PLPPR1: variants seen among roughly 807,000 people sequenced by gnomAD.
PLPPR1 encodes the protein phospholipid phosphatase related 1.
In PLPPR1, 10 loss-of-function variants were observed where a neutral mutation model predicts 33.1. That is an observed-to-expected ratio of 0.30 (90% confidence interval 0.19 to 0.51). PLPPR1 has a LOEUF of 0.51. Among genes scored for constraint, PLPPR1 ranks in the 20% least tolerant of loss-of-function variants. The pLI is 0.97. For missense variants in PLPPR1, 304 were observed against 408.1 expected (o/e 0.74, Z 2.20); for synonymous variants, 151 against 151.0 (o/e 1.00, Z 0.00).
At chr9:101,161,723 A>G (rs930932120) in intron 1 of PLPPR1, among the ~76,000 whole-genome samples, 4 of 151,984 alleles carry the variant, frequency 2.6e-5, no homozygotes, top group East Asian at 3.9e-4. Flanking sequence ...ATTTTCCCAT[A>G]CCATAGGACC....
chr9:101,171,101 A>C (rs528878300), intron 1 of PLPPR1, among the ~76,000 whole-genome samples: 49 of 152,144 alleles, frequency 3.2e-4, no homozygotes, highest in Non-Finnish European at 6.2e-4. Flanking sequence ...CACAGAACTT[A>C]ATTGTGAACC....
chr9:101,130,430 G>T (rs1831300786), intron 1 of PLPPR1, among the ~76,000 whole-genome samples: 1 of 152,146 alleles, frequency 6.6e-6, no homozygotes, highest in Non-Finnish European at 1.5e-5. Flanking sequence ...TCCATAAAAT[G>T]GAGCTAATTA....
intron 2 of PLPPR1, among the ~76,000 whole-genome samples, chr9:101,201,397 C>T (rs988665113): frequency 6.6e-6 from 1 of 152,126 alleles, no homozygotes; most frequent in Admixed American, 6.6e-5. Context: ...TCTTTGGCAT[C>T]TCCTAAGATG....
chr9:101,277,856 A>C (rs1828227031), intron 3 of PLPPR1, among the ~76,000 whole-genome samples: 1 of 152,202 alleles, frequency 6.6e-6, no homozygotes. Flanking sequence ...TAGGACATAT[A>C]TATATGCTTT....
chr9:101,031,144 T>C (rs914361051), intron 1 of PLPPR1, among the ~76,000 whole-genome samples: 1 of 152,214 alleles, frequency 6.6e-6, no homozygotes, highest in Non-Finnish European at 1.5e-5. Context: ...ATTGTCAGCA[T>C]ATGTCCTTTT....
chr9:101,142,719 T>C (rs930452313), intron 1 of PLPPR1, among the ~76,000 whole-genome samples: 20 of 152,192 alleles, frequency 1.3e-4, no homozygotes, highest in African/African-American at 4.6e-4. Flanking sequence ...CTGTTGTTTC[T>C]TTAATTCCTT....
chr9:101,224,198 T>A (rs1827012220), intron 2 of PLPPR1, among the ~76,000 whole-genome samples: 2 of 152,170 alleles, frequency 1.3e-5, no homozygotes, highest in Non-Finnish European at 2.9e-5. Context: ...TCTGCAAAAA[T>A]GGACATTCTC....
chr9:101,164,172 T>G (rs753635695), intron 1 of PLPPR1, among the ~76,000 whole-genome samples: 13 of 152,114 alleles, frequency 8.5e-5, no homozygotes, highest in Non-Finnish European at 1.8e-4. Flanking sequence ...GTGTTCAAAC[T>G]TGGGGCCAGA....
Position 101,181,660 on chromosome 9 carries a change from G to GTATATGTATA in PLPPR1, c.-45-3777_-45-3768dup, listed in dbSNP as rs1235509673. Reference sequence around the variant, plus strand: ...TGTGTATGTATATACATGTATGTATGTATATGTATATATATGTATATACAC... The same window carrying GTATATGTATA: ...TGTGTATGTATATACATGTATGTATGTATATGTATATATATGTATATATATGTATATACAC... On this transcript the variant is annotated intron_variant, in intron 1 of 7. Coordinates refer to ENST00000374874, the MANE Select transcript of PLPPR1 (RefSeq NM_207299.2). 4.6e-4 allele frequency among the ~76,000 whole-genome samples: 68 copies of GTATATGTATA among 147,066 alleles called. 1 individual carries two copies. The highest frequency in any genetic ancestry group is 1.5e-3 in the African/African-American group (61 of 39,934).
At chr9:101,266,006 G>A (rs1307912489) in intron 2 of PLPPR1, among the ~76,000 whole-genome samples, 1 of 150,886 alleles carries the variant, frequency 6.6e-6, no homozygotes, top group African/African-American at 2.4e-5. Flanking sequence ...AAAAAAAAAA[G>A]GTCACAGGAG....
chr9:101,054,795 A>G (rs1830262543), intron 1 of PLPPR1, among the ~76,000 whole-genome samples: 1 of 152,112 alleles, frequency 6.6e-6, no homozygotes, highest in Non-Finnish European at 1.5e-5. Flanking sequence ...ATGCCGCAAA[A>G]CCTCTCCGTG....
chr9:101,057,891 T>C (rs972387423), intron 1 of PLPPR1, among the ~76,000 whole-genome samples: 1 of 152,148 alleles, frequency 6.6e-6, no homozygotes, highest in Non-Finnish European at 1.5e-5. Flanking sequence ...CTAGACAGGC[T>C]GTTAGTTTCT....
intron 1 of PLPPR1, among the ~76,000 whole-genome samples, chr9:101,158,658 G>A (rs952948157): frequency 2.6e-5 from 4 of 152,154 alleles, no homozygotes; most frequent in Non-Finnish European, 5.9e-5. Context: ...ACCAAAAGGT[G>A]GGAAAGCTGA....
chr9:101,193,273 C>G (rs1217392050), intron 2 of PLPPR1, among the ~76,000 whole-genome samples: 3 of 152,120 alleles, frequency 2.0e-5, no homozygotes, highest in African/African-American at 4.8e-5. Context: ...TATCCCACCC[C>G]CTGTCTTTCT....
intron 3 of PLPPR1, among the ~76,000 whole-genome samples, chr9:101,272,199 A>G (rs1226700805): frequency 1.3e-5 from 2 of 152,222 alleles, no homozygotes; most frequent in East Asian, 1.9e-4. Flanking sequence ...AAAGCTGAAT[A>G]TATGAATGCC....
At chr9:101,271,811 C>G (rs1261838217) in intron 3 of PLPPR1, among the ~76,000 whole-genome samples, 1 of 152,112 alleles carries the variant, frequency 6.6e-6, no homozygotes, top group East Asian at 1.9e-4. Flanking sequence ...CTCTCTTCTT[C>G]CCAGTCTCAG....
At chr9:101,086,211 G>C (rs941734508) in intron 1 of PLPPR1, among the ~76,000 whole-genome samples, 1 of 152,104 alleles carries the variant, frequency 6.6e-6, no homozygotes, top group Non-Finnish European at 1.5e-5. Flanking sequence ...GTCATCACTT[G>C]AGCTCTTTGA....
chr9:101,125,075 A>G (rs1831227468), intron 1 of PLPPR1, among the ~76,000 whole-genome samples: 1 of 152,132 alleles, frequency 6.6e-6, no homozygotes, highest in African/African-American at 2.4e-5. Context: ...GTCCCTGCAA[A>G]TCTCTGCTAG....
intron 1 of PLPPR1, among the ~76,000 whole-genome samples, chr9:101,173,698 C>T (rs1295985512): frequency 6.6e-6 from 1 of 152,162 alleles, no homozygotes; most frequent in Non-Finnish European, 1.5e-5. Context: ...GGACTCTGCT[C>T]TTAATTCTCC....
Sources: allele counts gnomAD v4.1 joint callset (sites outside exome capture counted in the v4.1 genomes callset), GRCh38; gene constraint gnomAD v4.1.1; transcripts MANE v1.5; gene names NCBI Gene and HGNC (gene_info 2026-07-23, HGNC 2026-07-21).